Variants in ERBB4 observed in about 807,000 individuals in gnomAD.
ERBB4 encodes the protein receptor tyrosine-protein kinase erbB-4.
ERBB4 carries 42 observed loss-of-function variants against 158.0 expected under a neutral mutation model. That is an observed-to-expected ratio of 0.27 (90% confidence interval 0.21 to 0.34). The LOEUF (loss-of-function observed/expected upper bound fraction) is 0.34, where lower values mean the gene tolerates loss of function less well. ERBB4 is among the 10% of genes least tolerant of loss of function. The probability of loss-of-function intolerance (pLI) is 1.00; values close to 1 mark genes in which losing one functional copy is unlikely to be tolerated. For synonymous variants in ERBB4, 583 were observed against 558.7 expected (o/e 1.04, Z -0.61); for missense variants, 1,333 against 1,624.1 (o/e 0.82, Z 3.08).
intron 1 of ERBB4, among the ~76,000 whole-genome samples, chr2:212,497,750 G>A (rs535179433): frequency 2.0e-5 from 3 of 152,240 alleles, no homozygotes; most frequent in Admixed American, 2.0e-4. Flanking sequence ...ATATTCACAT[G>A]TACACAATTC....
intron 3 of ERBB4, among the ~76,000 whole-genome samples, chr2:211,802,361 A>T (rs575227703): frequency 1.2e-4 from 18 of 152,210 alleles, no homozygotes; most frequent in Admixed American, 6.5e-4. Flanking sequence ...TGTCACATAC[A>T]TATCTTTCCT....
chr2:212,214,604 T>C (rs6718075), intron 1 of ERBB4, among the ~76,000 whole-genome samples: 84,163 of 151,400 alleles, frequency 0.56, 23,623 homozygotes, highest in East Asian at 0.77. Context: ...TAAAATCAAG[T>C]ATTGGCCAGA....
chr2:211,897,462 C>T (rs2079127431), intron 3 of ERBB4, among the ~76,000 whole-genome samples: 1 of 151,650 alleles, frequency 6.6e-6, no homozygotes, highest in Non-Finnish European at 1.5e-5. Flanking sequence ...AAAAATCTGC[C>T]TGACATATCC....
intron 2 of ERBB4, among the ~76,000 whole-genome samples, chr2:212,039,023 T>C (rs991471720): frequency 1.3e-5 from 2 of 152,156 alleles, no homozygotes; most frequent in Admixed American, 6.6e-5. Flanking sequence ...TGAATTTAAA[T>C]GGTCAATATC....
rs975844883 is a variant in ERBB4, at chr2:212,124,923, C to T, written c.83-20G>A. On this transcript the variant is annotated intron_variant, in intron 1 of 27. Transcript: ENST00000342788. ...CACACACTGCAAAGACAAGAAGATA[C>T]ACGTGAAATTACATAACCTTTATAT... The T allele has an allele frequency of 6.2e-7, 1 of 1,613,728 alleles. No homozygotes were observed. Among genetic ancestry groups the T allele is most frequent in the Non-Finnish European group, 8.5e-7 (1 of 1,179,624 alleles).
At chr2:211,500,507 A>G in intron 20 of ERBB4, among the ~76,000 whole-genome samples, 1 of 152,098 alleles carries the variant, frequency 6.6e-6, no homozygotes, top group East Asian at 1.9e-4. Context: ...CTAACCCATT[A>G]AAAATGTAAT....
At chr2:212,294,862 G>A (rs979692690) in intron 1 of ERBB4, among the ~76,000 whole-genome samples, 6 of 152,078 alleles carry the variant, frequency 3.9e-5, no homozygotes, top group Non-Finnish European at 8.8e-5. Flanking sequence ...ACTGTAGGGG[G>A]TTTGATAGAG....
At chr2:212,192,031 T>C (rs1407094205) in intron 1 of ERBB4, among the ~76,000 whole-genome samples, 1 of 47,628 alleles carries the variant, frequency 2.1e-5, no homozygotes, top group Non-Finnish European at 3.6e-5. Context: ...GTTATATATG[T>C]TATATGTTAT....
At chr2:211,639,869 C>T (rs1470330281) in intron 16 of ERBB4, among the ~76,000 whole-genome samples, 1 of 151,938 alleles carries the variant, frequency 6.6e-6, no homozygotes, top group Non-Finnish European at 1.5e-5. Flanking sequence ...TTACAGGCAC[C>T]CCCCCACCAT....
intron 2 of ERBB4, among the ~76,000 whole-genome samples, chr2:212,002,895 C>G (rs114890579): frequency 0.022 from 3,321 of 151,458 alleles, 55 homozygotes; most frequent in Middle Eastern, 0.049. Context: ...CCTGTCTTTA[C>G]TAAAAGTAAA....
At chr2:212,253,121 G>A (rs1223797166) in intron 1 of ERBB4, among the ~76,000 whole-genome samples, 3 of 149,102 alleles carry the variant, frequency 2.0e-5, no homozygotes, top group African/African-American at 7.3e-5. Context: ...TCTATTAAAT[G>A]TGAATAAACA....
At chr2:212,502,387 T>C (rs534259088) in intron 1 of ERBB4, among the ~76,000 whole-genome samples, 1 of 152,310 alleles carries the variant, frequency 6.6e-6, no homozygotes, top group South Asian at 2.1e-4. Context: ...TATCATTTAA[T>C]CTTTATATTA....
chr2:212,521,431 T>C (rs1692156150), intron 1 of ERBB4, among the ~76,000 whole-genome samples: 1 of 151,892 alleles, frequency 6.6e-6, no homozygotes, highest in Non-Finnish European at 1.5e-5. Flanking sequence ...AAACCATTAT[T>C]GTATCACCTG....
At chr2:211,962,727 C>G (rs543885415) in intron 2 of ERBB4, among the ~76,000 whole-genome samples, 15 of 152,070 alleles carry the variant, frequency 9.9e-5, no homozygotes, top group Admixed American at 3.3e-4. Context: ...TCCAAGCCAT[C>G]TTTTTGAGGT....
rs543665727 is a variant in ERBB4, at chr2:212,456,716, C to T, written c.82+81733G>A. ...TTTAAGGGATACAATTTTTGCAGAGCTTTTAAGAGCAAGAAATGTTTTTTA... is the reference window on the plus strand; with the variant it reads ...TTTAAGGGATACAATTTTTGCAGAGTTTTTAAGAGCAAGAAATGTTTTTTA... On this transcript the variant is annotated intron_variant, in intron 1 of 27. Coordinates refer to ENST00000342788, the MANE Select transcript of ERBB4 (RefSeq NM_005235.3). 3.3e-5 allele frequency among the ~76,000 whole-genome samples: 5 copies of T among 151,862 alleles called. No homozygotes were observed. The South Asian group carries it at 6.2e-4, about 19-fold the overall frequency.
At chr2:211,590,683 C>G (rs1479860348) in intron 19 of ERBB4, among the ~76,000 whole-genome samples, 1 of 152,094 alleles carries the variant, frequency 6.6e-6, no homozygotes, top group Middle Eastern at 3.2e-3. Flanking sequence ...GAGACTGATT[C>G]GAGTAACGAT....
intron 19 of ERBB4, among the ~76,000 whole-genome samples, chr2:211,585,153 C>A (rs58786592): frequency 0.042 from 6,441 of 152,032 alleles, 470 homozygotes; most frequent in African/African-American, 0.15. Flanking sequence ...GAGATCGAGA[C>A]CATCCTGGCT....
intron 1 of ERBB4, among the ~76,000 whole-genome samples, chr2:212,136,250 T>G (rs1182424569): frequency 6.6e-6 from 1 of 152,212 alleles, no homozygotes; most frequent in Non-Finnish European, 1.5e-5. Context: ...ATGTGCACAT[T>G]AAGAAATGGA....
At chr2:212,165,595 A>G (rs2081323561) in intron 1 of ERBB4, among the ~76,000 whole-genome samples, 2 of 152,022 alleles carry the variant, frequency 1.3e-5, no homozygotes, top group Admixed American at 6.6e-5. Flanking sequence ...CTGATAAAAT[A>G]CCACAGAATT....
Sources: gnomAD v4.1 joint callset for allele counts (sites outside exome capture counted in the v4.1 genomes callset) on GRCh38, gnomAD v4.1.1 for gene constraint, MANE v1.5 for transcripts, NCBI Gene and HGNC (gene_info 2026-07-23, HGNC 2026-07-21) for gene names.